SOS1: variants seen among roughly 807,000 people sequenced by gnomAD.
SOS1 encodes the protein SOS Ras/Rac guanine nucleotide exchange factor 1.
In SOS1, 25 loss-of-function variants were observed where a neutral mutation model predicts 157.6. The observed-to-expected ratio is 0.16, with a 90% confidence interval of 0.12 to 0.22. The LOEUF (loss-of-function observed/expected upper bound fraction) is 0.22. Among genes scored for constraint, SOS1 ranks in the 10% least tolerant of loss-of-function variants. SOS1 has a pLI of 1.00. For synonymous variants in SOS1, 528 were observed against 534.0 expected (o/e 0.99, Z 0.16); for missense variants, 1,237 against 1,599.1 (o/e 0.77, Z 3.86).
intron 19 of SOS1, among the ~76,000 whole-genome samples, chr2:38,995,686 A>G (rs549764338): frequency 2.1e-4 from 32 of 152,320 alleles, no homozygotes; most frequent in African/African-American, 4.8e-4. Context: ...AATGTATTGT[A>G]TATTTCCCTG....
At chr2:39,010,847 A>G (rs369230692) in intron 14 of SOS1, 144 bp from the exon 15 acceptor site, 51 of 670,264 alleles carry the variant, frequency 7.6e-5, no homozygotes, top group East Asian at 5.4e-4. Context: ...AAAACAAGGT[A>G]TAACAAAAAA....
At chr2:39,116,386 A>G (rs897029837) in intron 1 of SOS1, among the ~76,000 whole-genome samples, 1 of 152,176 alleles carries the variant, frequency 6.6e-6, no homozygotes, top group Non-Finnish European at 1.5e-5. Flanking sequence ...CTTTCAAATA[A>G]AATCCACATC....
At chr2:39,006,560 C>T (rs761281154) in intron 16 of SOS1, 31 bp from the exon 17 acceptor site, 7 of 1,063,602 alleles carry the variant, frequency 6.6e-6, no homozygotes, top group Non-Finnish European at 1.0e-5. Context: ...CGTAAGTTTA[C>T]AAAAGGAATC....
chr2:39,058,926 C>T (rs192117971), intron 2 of SOS1, 122 bp from the exon 3 acceptor site: 806 of 731,448 alleles, frequency 1.1e-3, no homozygotes, highest in Non-Finnish European at 1.6e-3. Context: ...GTATAATTTA[C>T]ATTACAAACA....
intron 1 of SOS1, among the ~76,000 whole-genome samples, chr2:39,101,496 A>G (rs1399039861): frequency 6.6e-6 from 1 of 152,224 alleles, no homozygotes; most frequent in African/African-American, 2.4e-5. Flanking sequence ...GCATAGCATT[A>G]TATGTATCCT....
At chr2:39,069,190 C>CAAAAAAAAAAAAAAAAAAAAAAA (rs869178369) in intron 1 of SOS1, among the ~76,000 whole-genome samples, 2 of 46,760 alleles carry the variant, frequency 4.3e-5, no homozygotes, top group African/African-American at 1.4e-4. Flanking sequence ...TACCAAAAAG[C>CAAAAAAAAAAAAAAAAAAAAAAA]AAAAAAAAAA....
upstream of SOS1, chr2:39,121,151 G>C (rs1294717944): frequency 1.3e-5 from 2 of 153,200 alleles, no homozygotes; most frequent in East Asian, 1.9e-4. Flanking sequence ...GAGACAGGGA[G>C]GGCGCCCGGC....
intron 12 of SOS1, 61 bp downstream of exon 12, chr2:39,013,806 A>G: frequency 6.9e-7 from 1 of 1,450,238 alleles, no homozygotes; most frequent in Non-Finnish European, 9.7e-7. Context: ...GTCCTTATAT[A>G]CTTCAACATT....
At chr2:39,041,818 G>A (rs1480387008) in intron 6 of SOS1, among the ~76,000 whole-genome samples, 1 of 152,180 alleles carries the variant, frequency 6.6e-6, no homozygotes, top group East Asian at 1.9e-4. Context: ...ACCTTCCTAT[G>A]TCAAAGTCAT....
chr2:39,063,046 C>T (rs1671464693), intron 2 of SOS1, among the ~76,000 whole-genome samples: 1 of 151,956 alleles, frequency 6.6e-6, no homozygotes, highest in African/African-American at 2.4e-5. Context: ...ATTCAACCAA[C>T]TGCAGATCAA....
rs779110307 is a variant in SOS1 at position 39,110,039 on chromosome 2, CGTGTGTGT to C, written c.87+10289_87+10296del. On this transcript the variant is annotated intron_variant, in intron 1 of 22. Transcript: ENST00000402219. Reference sequence around the variant, plus strand: ...ATACAGATACAGTTGTGTGTGTGTGCGTGTGTGTGTGTGTGTGTGTGTGTGTGTGTGTG... The same window carrying C: ...ATACAGATACAGTTGTGTGTGTGTGCGTGTGTGTGTGTGTGTGTGTGTGTG... 1.3e-3 allele frequency among the ~76,000 whole-genome samples: 176 copies of C among 135,512 alleles called. 1 individual carries two copies. The highest frequency in any genetic ancestry group is 6.3e-3 in the South Asian group (26 of 4,158). The allele number at this position is 135,512 out of a possible 152,430, so 88.9% of individuals were successfully genotyped here.
intron 1 of SOS1, among the ~76,000 whole-genome samples, chr2:39,119,768 C>T (rs1673794536): frequency 1.3e-5 from 2 of 152,260 alleles, no homozygotes; most frequent in African/African-American, 2.4e-5. Flanking sequence ...AAAACAAAAC[C>T]CCCCTGAAAT....
chr2:38,987,335 A>G, intron 22 of SOS1, 138 bp downstream of exon 22: 3 of 677,122 alleles, frequency 4.4e-6, no homozygotes, highest in Non-Finnish European at 5.4e-6. Flanking sequence ...CTAAATCTAT[A>G]TGTAATCCTT....
intron 11 of SOS1, among the ~76,000 whole-genome samples, chr2:39,014,332 ACT>A (rs537658817): frequency 4.6e-4 from 70 of 152,208 alleles, no homozygotes; most frequent in Non-Finnish European, 8.8e-4. Context: ...TGACATAATC[ACT>A]GTTAAGGGTA....
intron 17 of SOS1, among the ~76,000 whole-genome samples, chr2:39,004,406 CAAA>C (rs60882005): frequency 4.5e-5 from 3 of 66,534 alleles, no homozygotes; most frequent in Admixed American, 2.1e-4. Flanking sequence ...GACTCTGTGT[CAAA>C]AAAAAAAAAA....
intron 1 of SOS1, 28 bp downstream of exon 1, chr2:39,120,308 G>A (rs550848784): frequency 6.4e-7 from 1 of 1,551,948 alleles, no homozygotes; most frequent in Non-Finnish European, 8.7e-7. Context: ...GGCTGCGGCC[G>A]GGAAGCGGGG....
intron 17 of SOS1, among the ~76,000 whole-genome samples, chr2:38,999,323 T>C (rs976876018): frequency 3.9e-5 from 6 of 152,252 alleles, no homozygotes; most frequent in Admixed American, 2.6e-4. Context: ...GATATGAGGA[T>C]AGACATAGGC....
intron 15 of SOS1, 88 bp downstream of exon 15, chr2:39,010,496 C>T (rs1010941362): frequency 2.2e-5 from 27 of 1,254,644 alleles, no homozygotes; most frequent in South Asian, 1.8e-4. Flanking sequence ...AGCAAAACTC[C>T]GTCTCAAAAA....
chr2:39,038,747 A>AAAAAAAAAAAAAAAAAAAAAAAAC (rs1558482387), intron 6 of SOS1, among the ~76,000 whole-genome samples: 1 of 147,480 alleles, frequency 6.8e-6, no homozygotes, highest in Non-Finnish European at 1.5e-5. Flanking sequence ...AAAAAAAAAA[A>AAAAAAAAAAAAAAAAAAAAAAAAC]AGTCGTTTCT....
Sources: gnomAD v4.1 joint callset for allele counts (sites outside exome capture counted in the v4.1 genomes callset) on GRCh38, gnomAD v4.1.1 for gene constraint, MANE v1.5 for transcripts, NCBI Gene and HGNC (gene_info 2026-07-23, HGNC 2026-07-21) for gene names.